The following PCDHA5 variants were observed in gnomAD, a reference collection of about 807,000 sequenced individuals.
PCDHA5 encodes the protein protocadherin alpha-5.
Under a neutral mutation model 61.6 loss-of-function variants are expected in PCDHA5, and 43 were observed. The ratio of observed to expected loss-of-function variants is 0.70; its 90% CI spans 0.55 to 0.90. PCDHA5 has a LOEUF of 0.90. Ranked by LOEUF, PCDHA5 falls within the 40% of genes least tolerant of loss-of-function variation. The probability of loss-of-function intolerance (pLI) is 0.00; values close to 1 mark genes in which losing one functional copy is unlikely to be tolerated. For missense variants in PCDHA5, 1,298 were observed against 1,222.7 expected (o/e 1.06, Z -0.92); for synonymous variants, 627 against 543.9 (o/e 1.15, Z -2.13).
intron 1 of PCDHA5, among the ~76,000 whole-genome samples, chr5:140,943,822 A>T (rs2093570990): frequency 6.6e-6 from 1 of 152,220 alleles, no homozygotes; most frequent in Non-Finnish European, 1.5e-5. Context: ...GAAGAAAATG[A>T]GTTGATTGAA....
intron 1 of PCDHA5, chr5:140,871,194 G>C (rs1391937650): frequency 3.1e-6 from 5 of 1,613,574 alleles, no homozygotes; most frequent in African/African-American, 1.3e-5. Flanking sequence ...ATGTCAACGT[G>C]TACCTGATCA....
At chr5:140,927,564 G>T (rs868927450) in intron 1 of PCDHA5, 1 of 1,614,150 alleles carries the variant, frequency 6.2e-7, no homozygotes. Context: ...TCATTGTGGT[G>T]GACACAAATG....
chr5:140,849,637 C>A lies in PCDHA5; in HGVS notation c.2352+25510C>A, dbSNP rs1581190048. ...AGTGTGATCGACCTAGACGCAGATG[C>A]CAACGGGCAGGTTACCTGCTCCCTG... On this transcript the variant is annotated intron_variant, in intron 1 of 3. Coordinates refer to ENST00000529859, the MANE Select transcript of PCDHA5 (RefSeq NM_018908.3). 4 of 1,598,688 alleles carry A rather than the reference C, an allele frequency of 2.5e-6. No homozygotes were observed. In the East Asian group the frequency reaches 8.9e-5, roughly 36 times the overall value.
chr5:140,890,409 A>G (rs1554184285), intron 1 of PCDHA5, among the ~76,000 whole-genome samples: 1 of 152,174 alleles, frequency 6.6e-6, no homozygotes, highest in Non-Finnish European at 1.5e-5. Context: ...TTTAACTTGA[A>G]TATTTATTTA....
intron 1 of PCDHA5, among the ~76,000 whole-genome samples, chr5:140,886,827 G>GAA (rs782016620): frequency 3.1e-4 from 19 of 60,896 alleles, no homozygotes; most frequent in South Asian, 5.9e-4. Context: ...ACTTCGTCTT[G>GAA]AAAAAAAAAA....
intron 1 of PCDHA5, among the ~76,000 whole-genome samples, chr5:140,879,144 G>A (rs1309421547): frequency 6.6e-6 from 1 of 152,168 alleles, no homozygotes; most frequent in Non-Finnish European, 1.5e-5. Context: ...TGTGAAGGCA[G>A]GAAAGCTATT....
At chr5:140,837,594 T>C (rs910412595) in intron 1 of PCDHA5, among the ~76,000 whole-genome samples, 2 of 151,720 alleles carry the variant, frequency 1.3e-5, no homozygotes, top group Admixed American at 6.6e-5. Flanking sequence ...AAATCGCCAA[T>C]ATATATATTT....
chr5:140,915,832 A>T (rs1297251550), intron 1 of PCDHA5, among the ~76,000 whole-genome samples: 1 of 152,084 alleles, frequency 6.6e-6, no homozygotes, highest in Non-Finnish European at 1.5e-5. Context: ...GGGCTCTAAG[A>T]TCAGCAGGGG....
Position 141,010,126 on chromosome 5 carries a change from C to G in PCDHA5, c.*189C>G, listed in dbSNP as rs2098416139. ...TTTTGTCGTAAAAGCTTTACTAAGT[C>G]TGGTGTTAACTCTTTCTCTCCACTC... On this transcript the variant is annotated 3_prime_UTR_variant, in exon 4 of 4. Coordinates refer to ENST00000529859, the MANE Select transcript of PCDHA5 (RefSeq NM_018908.3). 1 of 1,602,246 alleles carries G rather than the reference C, an allele frequency of 6.2e-7. No homozygotes were observed. The highest frequency in any genetic ancestry group is 8.5e-7 in the Non-Finnish European group (1 of 1,173,654).
chr5:140,891,009 A>G (rs2062900955), intron 1 of PCDHA5, among the ~76,000 whole-genome samples: 1 of 151,934 alleles, frequency 6.6e-6, no homozygotes, highest in South Asian at 2.1e-4. Flanking sequence ...ATTGAAAAGC[A>G]TTTTTTCTGA....
intron 1 of PCDHA5, chr5:140,876,794 T>G: frequency 6.2e-7 from 1 of 1,614,056 alleles, no homozygotes; most frequent in Non-Finnish European, 8.5e-7. Flanking sequence ...ACGGCTAGAG[T>G]GTCCGTGGAG....
intron 1 of PCDHA5, among the ~76,000 whole-genome samples, chr5:140,912,641 G>C (rs2076009138): frequency 6.6e-6 from 1 of 152,128 alleles, no homozygotes; most frequent in African/African-American, 2.4e-5. Flanking sequence ...TCAGTACTAT[G>C]TTGAATAGAA....
chr5:140,927,508 C>T lies in PCDHA5; in HGVS notation c.2353-51441C>T, dbSNP rs551245842. On this transcript the variant is annotated intron_variant, in intron 1 of 3. Coordinates refer to ENST00000529859, the MANE Select transcript of PCDHA5 (RefSeq NM_018908.3). The stretch of plus-strand genomic sequence containing the variant: ...CACCCACCTGCTGGTGCTTACAGCT[C>T]GGGACGGCGGGCTACCTGCCCGCTC... The T allele has an allele frequency of 9.9e-6, 16 of 1,614,074 alleles. No individual in the cohort carries two copies. In the South Asian group the frequency reaches 1.4e-4, roughly 14 times the overall value.
At chr5:140,833,606 GC>G (rs1377132981) in intron 1 of PCDHA5, among the ~76,000 whole-genome samples, 2 of 152,098 alleles carry the variant, frequency 1.3e-5, no homozygotes, top group African/African-American at 4.8e-5. Context: ...TTCTGCTAAA[GC>G]AAAAAATTCA....
rs549259485 is a variant in PCDHA5, at chr5:140,926,218, A to C, written c.2353-52731A>C. 2.0e-5 allele frequency among the ~76,000 whole-genome samples: 3 copies of C among 152,070 alleles called. No individual in the cohort carries two copies. In the South Asian group the frequency reaches 6.3e-4, roughly 32 times the overall value. On this transcript the variant is annotated intron_variant, in intron 1 of 3. Coordinates refer to ENST00000529859, the MANE Select transcript of PCDHA5 (RefSeq NM_018908.3). ...TCTTTCGGGGGGCTCCTGTTTCCTT[A>C]AGCCTAGAAGGTGTGGTCGCTCACG...
intron 1 of PCDHA5, chr5:140,829,364 G>A: frequency 6.2e-7 from 1 of 1,614,244 alleles, no homozygotes; most frequent in Non-Finnish European, 8.5e-7. Context: ...TGAGTTGGTG[G>A]TAACCGCGCG....
intron 1 of PCDHA5, chr5:140,866,616 C>G (rs1470168934): frequency 6.6e-6 from 1 of 152,048 alleles, no homozygotes; most frequent in Non-Finnish European, 1.5e-5. Context: ...TGGAGAACCT[C>G]CTGGGGTTCT....
At chr5:140,988,672 G>A (rs1269904309) in intron 3 of PCDHA5, among the ~76,000 whole-genome samples, 1 of 152,180 alleles carries the variant, frequency 6.6e-6, no homozygotes, top group Non-Finnish European at 1.5e-5. Context: ...TAGACTCTAA[G>A]ATAATTCTTT....
At chr5:140,871,254 T>A in intron 1 of PCDHA5, 1 of 1,613,952 alleles carries the variant, frequency 6.2e-7, no homozygotes, top group Non-Finnish European at 8.5e-7. Context: ...TGCTGCTGTA[T>A]ACGGCGCTGT....
Sources: allele counts gnomAD v4.1 joint callset (sites outside exome capture counted in the v4.1 genomes callset), GRCh38; gene constraint gnomAD v4.1.1; transcripts MANE v1.5; gene names NCBI Gene and HGNC (gene_info 2026-07-23, HGNC 2026-07-21).